Variants in AKAP12 observed in about 807,000 individuals in gnomAD.
AKAP12 encodes A-kinase anchor protein 12.
A neutral mutation model predicts 79.9 loss-of-function variants in AKAP12; 32 were observed. That is an observed-to-expected ratio of 0.40 (90% CI 0.30 to 0.54). The LOEUF (loss-of-function observed/expected upper bound fraction) is 0.54. Ranked by LOEUF, AKAP12 falls within the 20% of genes least tolerant of loss-of-function variation. The pLI, the probability that AKAP12 is intolerant of heterozygous loss-of-function variation, is 0.48. For missense variants in AKAP12, 2,074 were observed against 2,177.0 expected (o/e 0.95, Z 0.94); for synonymous variants, 808 against 857.0 (o/e 0.94, Z 1.00).
At chr6:151,324,267 G>T (rs1321902307) in intron 3 of AKAP12, 1 of 985,316 alleles carries the variant, frequency 1.0e-6, no homozygotes. Context: ...ATCATTCCCT[G>T]TTCCCGCCAG....
At chr6:151,340,341 A>G (rs993468662) in intron 3 of AKAP12, among the ~76,000 whole-genome samples, 1 of 151,616 alleles carries the variant, frequency 6.6e-6, no homozygotes, top group Admixed American at 6.6e-5. Context: ...AGTTTTGGCA[A>G]TTATGCATAA....
chr6:151,270,350 G>A (rs1265034572), intron 2 of AKAP12, among the ~76,000 whole-genome samples: 1 of 152,180 alleles, frequency 6.6e-6, no homozygotes, highest in African/African-American at 2.4e-5. Flanking sequence ...GAGCCTCTGA[G>A]CCCAGCTGGT....
intron 2 of AKAP12, among the ~76,000 whole-genome samples, chr6:151,290,726 C>G (rs140946752): frequency 1.3e-5 from 2 of 152,198 alleles, no homozygotes; most frequent in East Asian, 3.9e-4. Context: ...CTGCCTCAGT[C>G]TCCCGAGTAG....
intron 3 of AKAP12, among the ~76,000 whole-genome samples, chr6:151,309,980 A>G (rs1222853274): frequency 6.6e-6 from 1 of 152,036 alleles, no homozygotes; most frequent in Non-Finnish European, 1.5e-5. Context: ...ATGAAAAAAA[A>G]AAAAAGAAAA....
At chr6:151,256,355 A>C (rs973170069) in intron 2 of AKAP12, among the ~76,000 whole-genome samples, 2 of 152,304 alleles carry the variant, frequency 1.3e-5, no homozygotes, top group Admixed American at 6.5e-5. Context: ...AGAAGAGAGC[A>C]CAATTAGAAT....
intron 2 of AKAP12, among the ~76,000 whole-genome samples, chr6:151,247,095 A>G (rs1392309977): frequency 1.3e-5 from 2 of 151,472 alleles, no homozygotes; most frequent in African/African-American, 2.4e-5. Flanking sequence ...GCCCTGCCCA[A>G]TTAATTTTTA....
chr6:151,277,903 G>T (rs1434697324), intron 2 of AKAP12, among the ~76,000 whole-genome samples: 3 of 151,762 alleles, frequency 2.0e-5, no homozygotes, highest in African/African-American at 7.3e-5. Flanking sequence ...GACATGTTAC[G>T]TCTTCCCTTT....
chr6:151,306,488 G>A (rs1776981567), intron 3 of AKAP12, among the ~76,000 whole-genome samples: 1 of 152,138 alleles, frequency 6.6e-6, no homozygotes, highest in Non-Finnish European at 1.5e-5. Context: ...AAAGCGAAAG[G>A]CTGCATGTTG....
intron 2 of AKAP12, among the ~76,000 whole-genome samples, chr6:151,259,511 T>TATACACACACATATATACATGTATATAC (rs1554320026): frequency 9.9e-6 from 1 of 101,104 alleles, no homozygotes; most frequent in Non-Finnish European, 1.9e-5. Flanking sequence ...TATATATATA[T>TATACACACACATATATACATGTATATAC]ACACACACAC....
At chr6:151,325,879 A>G (rs1340409675) in intron 3 of AKAP12, 11 of 1,614,204 alleles carry the variant, frequency 6.8e-6, no homozygotes, top group Non-Finnish European at 9.3e-6. Context: ...GACCATCACC[A>G]TCACAGGTAA....
chr6:151,337,955 T>G (rs1014730410), intron 3 of AKAP12, among the ~76,000 whole-genome samples: 3 of 152,204 alleles, frequency 2.0e-5, no homozygotes, highest in African/African-American at 7.2e-5. Context: ...GAGAATCGCT[T>G]GAGCCCTGGA....
At chr6:151,253,899 G>A (rs777325827) in intron 2 of AKAP12, among the ~76,000 whole-genome samples, 6 of 151,576 alleles carry the variant, frequency 4.0e-5, no homozygotes, top group South Asian at 2.1e-4. Flanking sequence ...AGTAGAGACG[G>A]GGTTTTACCA....
At chr6:151,267,758 C>T (rs187816715) in intron 2 of AKAP12, among the ~76,000 whole-genome samples, 2 of 152,316 alleles carry the variant, frequency 1.3e-5, no homozygotes, top group East Asian at 3.9e-4. Context: ...CGCTATGTAT[C>T]ACTATGGTTA....
intron 3 of AKAP12, among the ~76,000 whole-genome samples, chr6:151,345,803 A>G (rs1778079436): frequency 6.6e-6 from 1 of 151,276 alleles, no homozygotes; most frequent in East Asian, 1.9e-4. Context: ...AAAAAAAAAA[A>G]AAGAAAAGAA....
At position 151,348,804 on chromosome 6, in the gene AKAP12, G is replaced by C. The variant is rs1430468255; in HGVS notation, c.413G>C (p.Gly138Ala). 6 of 1,612,526 alleles carry C rather than the reference G, an allele frequency of 3.7e-6. No homozygotes were observed. In the African/African-American group the frequency reaches 8.0e-5, roughly 22 times the overall value. The change falls in exon 4 of 5, where the codon GGG becomes GCG. Residue 138 changes from glycine to alanine, a missense_variant. Gly to Ala is a moderately conservative substitution (Grantham distance 60). Coordinates refer to ENST00000402676, the MANE Select transcript of AKAP12 (RefSeq NM_005100.4). ...GTTGTTCACGACATCACAGATGATG[G>C]GCAGGAGGAGACACCCGAAATAATC... Reference protein sequence around the residue: ...SAVVHDITDDGQEETPEIIEQ... With the variant: ...SAVVHDITDDAQEETPEIIEQ...
chr6:151,266,286 T>C (rs1776014977), intron 2 of AKAP12, among the ~76,000 whole-genome samples: 1 of 152,228 alleles, frequency 6.6e-6, no homozygotes, highest in South Asian at 2.1e-4. Context: ...AATTTTTTGA[T>C]CTTTACTTCA....
intron 2 of AKAP12, among the ~76,000 whole-genome samples, chr6:151,304,807 C>T (rs959339541): frequency 7.2e-5 from 11 of 151,826 alleles, no homozygotes; most frequent in Admixed American, 2.0e-4. Context: ...TTGAACTCCT[C>T]GTGATCTGCC....
At chr6:151,321,030 A>C (rs1777370065) in intron 3 of AKAP12, among the ~76,000 whole-genome samples, 1 of 150,644 alleles carries the variant, frequency 6.6e-6, no homozygotes. Flanking sequence ...TCTGTTGCCC[A>C]GGCTGGAGTG....
At chr6:151,355,690 G>C (rs1318168599) in intron 4 of AKAP12, 37 bp from the exon 5 acceptor site, 3 of 152,602 alleles carry the variant, frequency 2.0e-5, no homozygotes, top group African/African-American at 7.2e-5. Flanking sequence ...AGAGAAAAAG[G>C]AGATTTTATT....
Sources: allele counts gnomAD v4.1 joint callset (sites outside exome capture counted in the v4.1 genomes callset), GRCh38; gene constraint gnomAD v4.1.1; transcripts MANE v1.5; gene names NCBI Gene and HGNC (gene_info 2026-07-23, HGNC 2026-07-21).